The following TAS1R2 variants were observed in gnomAD, a reference collection of about 807,000 sequenced individuals.
The protein encoded by TAS1R2 is taste receptor type 1 member 2.
In TAS1R2, 47 loss-of-function variants were observed where a neutral mutation model predicts 49.3. That is an observed-to-expected ratio of 0.95 (90% CI 0.75 to 1.22). TAS1R2 has a LOEUF of 1.22. TAS1R2 is among the 50% of genes most tolerant of loss of function. The pLI, the probability that TAS1R2 is intolerant of heterozygous loss-of-function variation, is 0.00. For synonymous variants in TAS1R2, 479 were observed against 467.9 expected (o/e 1.02, Z -0.31); for missense variants, 1,155 against 1,122.1 (o/e 1.03, Z -0.42).
rs985796360 is a variant in TAS1R2, at chr1:18,849,676, TA to T, written c.1258-127del. The T allele has an allele frequency of 2.8e-6, 3 of 1,073,590 alleles. No individual in the cohort carries two copies. The Admixed American group carries it at 6.5e-5, about 23-fold the overall frequency. 66.5% of individuals were successfully genotyped at this position (1,073,590 alleles called of 1,614,324 possible). A position where few individuals can be genotyped will look rare whatever the true frequency, so the allele number is the denominator to read the frequency against. ...TTCCAACTCTGTAATATGGAGGCAA[TA>T]AATCTCCGAAAGGGTGGCAATTTAG... On this transcript the variant is annotated intron_variant, in intron 3 of 5. Transcript: ENST00000375371.
rs372361461 is a variant in TAS1R2 at position 18,854,804 on chromosome 1, C to G, written c.666G>C (p.Leu222=). 8.7e-6 allele frequency: 14 copies of G among 1,606,300 alleles called. No individual in the cohort carries two copies. The highest frequency in any genetic ancestry group is 2.7e-5 in the African/African-American group (2 of 74,892). ...CGCGCCGGGCCACGCGCTCGCCAAGCAGCTGGCCATTGTCGCGGCCATAGG... is the reference window on the plus strand; with the variant it reads ...CGCGCCGGGCCACGCGCTCGCCAAGGAGCTGGCCATTGTCGCGGCCATAGG... Residue 222 remains leucine (L), a synonymous_variant, in exon 3 of 6, where the codon CTG becomes CTC. Coordinates refer to ENST00000375371, the Ensembl canonical transcript of TAS1R2. This position sits in a 1 kb window ranked among gnomAD's most constrained non-coding sequence, Gnocchi z 4.9.
chr1:18,854,433 C>CA lies in TAS1R2; in HGVS notation c.1036_1037insT (p.Gly346ValfsTer61). 1 of 1,614,118 alleles carries CA rather than the reference C, an allele frequency of 6.2e-7. No individual in the cohort carries two copies. The highest frequency in any genetic ancestry group is 8.5e-7 in the Non-Finnish European group (1 of 1,180,022). Reference sequence around the variant, plus strand: ...GCTGGTCCTGCTGAGGGGTGGCGGCCCAGCCTGTGGGCCCCACTCGCGGAA... The same window carrying CA: ...GCTGGTCCTGCTGAGGGGTGGCGGCCACAGCCTGTGGGCCCCACTCGCGGAA... On this transcript the variant is annotated frameshift_variant, in exon 3 of 6. Transcript: ENST00000375371. LOFTEE classifies it high-confidence loss of function. The surrounding 1 kb of genome is among the most constrained non-coding windows in gnomAD (Gnocchi z 4.9).
intron 4 of TAS1R2, among the ~76,000 whole-genome samples, chr1:18,845,572 CGATTACCA>C (rs1933903517): frequency 6.6e-6 from 1 of 152,184 alleles, no homozygotes; most frequent in Non-Finnish European, 1.5e-5. Flanking sequence ...TAGGGCTCTA[CGATTACCA>C]TGTGGTCATT....
In TAS1R2 at chr1:18,845,619, G is replaced by A. The variant is rs761365114; in HGVS notation, c.1467+3722C>T. Among the ~76,000 whole-genome samples the A allele has an allele frequency of 5.3e-5, 8 of 152,230 alleles. 1 individual carries two copies. The highest frequency in any genetic ancestry group is 1.0e-4 in the Non-Finnish European group (7 of 68,046). On this transcript the variant is annotated intron_variant, in intron 4 of 5. Transcript: ENST00000375371. The stretch of plus-strand genomic sequence containing the variant: ...GGTTCCTCATGCCAGTGAATGAGAA[G>A]GCCAAGAAAGGAAGAAGTAACTGAC...
At chr1:18,844,836 C>T (rs1933888447) in intron 4 of TAS1R2, among the ~76,000 whole-genome samples, 1 of 152,170 alleles carries the variant, frequency 6.6e-6, no homozygotes, top group Non-Finnish European at 1.5e-5. Context: ...CACCCCAAGG[C>T]CTGCACAGAG....
intron 4 of TAS1R2, among the ~76,000 whole-genome samples, chr1:18,842,500 A>T (rs1933847341): frequency 6.6e-6 from 1 of 152,336 alleles, no homozygotes; most frequent in South Asian, 2.1e-4. Context: ...AAAGGACTGA[A>T]ATAATAACAG....
chr1:18,849,938 T>A (rs557117630), intron 3 of TAS1R2, among the ~76,000 whole-genome samples: 2 of 152,296 alleles, frequency 1.3e-5, no homozygotes, highest in Admixed American at 1.3e-4. Flanking sequence ...ACCAAGGTGC[T>A]GATAGATTTC....
chr1:18,843,683 G>T (rs75486394), intron 4 of TAS1R2, among the ~76,000 whole-genome samples: 7,567 of 152,246 alleles, frequency 0.05, 520 homozygotes, highest in African/African-American at 0.15. Flanking sequence ...TTATAAGAAT[G>T]GGCAAGCCCA....
chr1:18,854,552 G>A lies in TAS1R2; in HGVS notation c.918C>T (p.Ile306=), dbSNP rs142510005. 20 of 1,613,632 alleles carry A rather than the reference G, an allele frequency of 1.2e-5. No individual in the cohort carries two copies. Among genetic ancestry groups the A allele is most frequent in the African/African-American group, 2.7e-5 (2 of 74,944 alleles). The change falls in exon 3 of 6, where the codon ATC becomes ATT. Residue 306 remains isoleucine (I), a synonymous_variant. Coordinates refer to ENST00000375371, the Ensembl canonical transcript of TAS1R2. This position sits in a 1 kb window ranked among gnomAD's most constrained non-coding sequence, Gnocchi z 4.9. ...CCGTGAGGTTGTGCAGGACCGGGTC[G>A]ATGGCCCAGGACTCGGAGGCGATCC...
exon 1 of TAS1R2, chr1:18,859,556 C>T (rs1420974899): frequency 6.2e-7 from 1 of 1,614,148 alleles, no homozygotes; most frequent in Non-Finnish European, 8.5e-7. Context: ...AGAGGCCACC[C>T]AGGAGGTAAT....
chr1:18,858,194 C>T (rs1029542648), intron 1 of TAS1R2: 3 of 156,026 alleles, frequency 1.9e-5, no homozygotes, highest in African/African-American at 7.2e-5. Flanking sequence ...CCACCATCAC[C>T]ATCATCAGCA....
chr1:18,839,895 C>T (rs1933783619), exon 6 of TAS1R2: 1 of 1,614,214 alleles, frequency 6.2e-7, no homozygotes, highest in Non-Finnish European at 8.5e-7. Context: ...AAGCTGAAAC[C>T]CACCACTGAG....
Position 18,854,995 on chromosome 1 carries a change from G to A in TAS1R2, c.484-9C>T. 1.3e-6 allele frequency: 2 copies of A among 1,599,286 alleles called. No individual in the cohort carries two copies. Among genetic ancestry groups the A allele is most frequent in the Non-Finnish European group, 1.7e-6 (2 of 1,168,482 alleles). ...ATGGCGCTGTAGGTGATCTGCAAGG[G>A]GAAGGGCTGTGGCATGAGCGAGTGC... is the stretch of plus-strand genomic sequence containing the variant. On this transcript the variant is annotated splice_polypyrimidine_tract_variant and intron_variant, in intron 2 of 5. Coordinates refer to ENST00000375371, the Ensembl canonical transcript of TAS1R2. The surrounding 1 kb of genome is among the most constrained non-coding windows in gnomAD (Gnocchi z 4.9).
exon 6 of TAS1R2, chr1:18,839,877 T>A (rs751789754): frequency 6.2e-7 from 1 of 1,614,166 alleles, no homozygotes; most frequent in Non-Finnish European, 8.5e-7. Flanking sequence ...TCTTTGCCCA[T>A]GTAGGCGAAG....
chr1:18,854,933 A>G lies in TAS1R2; in HGVS notation c.537T>C (p.Ala179=). Residue 179 remains alanine (A), a synonymous_variant, in exon 3 of 6, where the codon GCT becomes GCC. Transcript: ENST00000375371. This position sits in a 1 kb window ranked among gnomAD's most constrained non-coding sequence, Gnocchi z 4.9. ...CGGCGCTGGGTGTGGTACGCAGCAA[A>G]GCCGGGAAGCGCACCTTGTCTCGCA... 6.2e-7 allele frequency: 1 copy of G among 1,609,476 alleles called. No homozygotes were observed. The highest frequency in any genetic ancestry group is 8.5e-7 in the Non-Finnish European group (1 of 1,176,198).
At chr1:18,853,947 G>A (rs72953134) in intron 3 of TAS1R2, among the ~76,000 whole-genome samples, 1,841 of 152,282 alleles carry the variant, frequency 0.012, 36 homozygotes, top group African/African-American at 0.04. Context: ...ACCTTGGAGA[G>A]ACTGGGGGAG....
chr1:18,841,744 G>A (rs1165409560), exon 5 of TAS1R2: 1 of 1,613,876 alleles, frequency 6.2e-7, no homozygotes, highest in Admixed American at 1.7e-5. Context: ...GTGTGGTTGA[G>A]GAAGGTGCCG....
At chr1:18,840,259 C>T (rs1381601260) in exon 6 of TAS1R2, 1 of 1,613,942 alleles carries the variant, frequency 6.2e-7, no homozygotes, top group Non-Finnish European at 8.5e-7. Context: ...GCCCCACGTA[C>T]ACCGGGACCA....
chr1:18,855,114 C>T (rs1382247926), intron 2 of TAS1R2, 128 bp from the exon 3 acceptor site: 6 of 1,155,992 alleles, frequency 5.2e-6, no homozygotes, highest in Non-Finnish European at 7.2e-6. Flanking sequence ...AGGTGGTTTA[C>T]ACCATCGTCA....
Sources: gnomAD v4.1 joint callset for allele counts (sites outside exome capture counted in the v4.1 genomes callset) on GRCh38, gnomAD v4.1.1 for gene constraint, Gnocchi (gnomAD v3.1) non-coding constraint, MANE v1.5 for transcripts, NCBI Gene and HGNC (gene_info 2026-07-23, HGNC 2026-07-21) for gene names.